MARCHF11: variants seen among roughly 807,000 people sequenced by gnomAD.
MARCHF11 encodes membrane associated ring-CH-type finger 11, also known as E3 ubiquitin-protein ligase MARCHF11.
A neutral mutation model predicts 37.3 loss-of-function variants in MARCHF11; 29 were observed. That is an observed-to-expected ratio of 0.78 (90% confidence interval 0.58 to 1.06). MARCHF11 has a LOEUF of 1.06. Among genes scored for constraint, MARCHF11 ranks in the 50% least tolerant of loss-of-function variants. The probability of loss-of-function intolerance (pLI) is 0.00; values close to 1 mark genes in which losing one functional copy is unlikely to be tolerated. For missense variants in MARCHF11, 482 were observed against 533.4 expected, an observed-to-expected ratio of 0.90 and a Z score of 0.95; for synonymous variants, 233 against 228.0, an observed-to-expected ratio of 1.02 and a Z score of -0.20.
At chr5:16,124,404 C>A (rs527405667) in intron 2 of MARCHF11, among the ~76,000 whole-genome samples, 2 of 152,176 alleles carry the variant, frequency 1.3e-5, no homozygotes, top group Non-Finnish European at 2.9e-5. Flanking sequence ...TCACACACAG[C>A]TCCAGACAAC....
intron 2 of MARCHF11, among the ~76,000 whole-genome samples, chr5:16,104,024 T>G (rs141076059): frequency 4.7e-4 from 71 of 152,310 alleles, no homozygotes; most frequent in African/African-American, 1.6e-3. Flanking sequence ...AGGAAAATAG[T>G]TGTTTGAAAC....
At chr5:16,127,232 T>C (rs886735169) in intron 2 of MARCHF11, among the ~76,000 whole-genome samples, 4 of 152,206 alleles carry the variant, frequency 2.6e-5, no homozygotes, top group Non-Finnish European at 5.9e-5. Context: ...GGACTGCCAA[T>C]GCTCATCAAA....
chr5:16,166,956 G>GTACAACGATGTTCATTTACTTATGAACA (rs36218722), intron 2 of MARCHF11, among the ~76,000 whole-genome samples: 1,808 of 142,940 alleles, frequency 0.013, 42 homozygotes, highest in African/African-American at 0.032. Flanking sequence ...TGTGAGGAAC[G>GTACAACGATGTTCATTTACTTATGAACA]TACAACGATG....
chr5:16,098,774 A>G (rs900581005), intron 2 of MARCHF11, among the ~76,000 whole-genome samples: 5 of 152,066 alleles, frequency 3.3e-5, no homozygotes, highest in Admixed American at 6.5e-5. Context: ...TCTCAAAAAA[A>G]AAAAAGAAAA....
intron 2 of MARCHF11, among the ~76,000 whole-genome samples, chr5:16,104,264 C>A (rs1179805284): frequency 1.3e-5 from 2 of 152,120 alleles, no homozygotes; most frequent in African/African-American, 4.8e-5. Flanking sequence ...TTCCTTCCCA[C>A]CTTTTCCCCT....
intron 2 of MARCHF11, among the ~76,000 whole-genome samples, chr5:16,134,996 TCTCA>T (rs1352413634): frequency 2.1e-4 from 25 of 121,256 alleles, no homozygotes; most frequent in East Asian, 1.2e-3. Flanking sequence ...TCTCTCTCTC[TCTCA>T]CACACACACA....
At chr5:16,125,826 A>C (rs1439826934) in intron 2 of MARCHF11, among the ~76,000 whole-genome samples, 1 of 152,180 alleles carries the variant, frequency 6.6e-6, no homozygotes, top group Non-Finnish European at 1.5e-5. Context: ...CAAATCCCTT[A>C]TGGGTTAACT....
intron 2 of MARCHF11, among the ~76,000 whole-genome samples, chr5:16,156,694 G>A (rs905332217): frequency 1.6e-4 from 24 of 151,786 alleles, no homozygotes; most frequent in Non-Finnish European, 2.7e-4. Flanking sequence ...TGAAAAATGT[G>A]TCATTAAGTG....
chr5:16,088,589 A>C (rs1736738294), intron 3 of MARCHF11, among the ~76,000 whole-genome samples: 1 of 152,186 alleles, frequency 6.6e-6, no homozygotes, highest in South Asian at 2.1e-4. Context: ...CGGGGCTGCA[A>C]TCCAATTGGC....
At chr5:16,151,647 G>T (rs1403654285) in intron 2 of MARCHF11, among the ~76,000 whole-genome samples, 2 of 99,708 alleles carry the variant, frequency 2.0e-5, no homozygotes. Flanking sequence ...TGCGTGAGTT[G>T]AATGTGTGTG....
intron 2 of MARCHF11, among the ~76,000 whole-genome samples, chr5:16,116,447 G>A (rs1737227742): frequency 6.6e-6 from 1 of 152,052 alleles, no homozygotes; most frequent in African/African-American, 2.4e-5. Context: ...ATTTCAAATA[G>A]CTTAGTTCAG....
At chr5:16,085,989 A>G (rs1484607827) in intron 3 of MARCHF11, among the ~76,000 whole-genome samples, 1 of 147,562 alleles carries the variant, frequency 6.8e-6, no homozygotes, top group Non-Finnish European at 1.5e-5. Context: ...CTTATTACTC[A>G]ACCCAGACTT....
At chr5:16,129,891 A>G in intron 2 of MARCHF11, among the ~76,000 whole-genome samples, 1 of 152,182 alleles carries the variant, frequency 6.6e-6, no homozygotes. Flanking sequence ...AGGAAAGCCT[A>G]TCAATGAGAT....
intron 3 of MARCHF11, among the ~76,000 whole-genome samples, chr5:16,081,073 C>T (rs1736600704): frequency 6.6e-6 from 1 of 152,266 alleles, no homozygotes; most frequent in South Asian, 2.1e-4. Context: ...TCTCTCGGGG[C>T]CCCATCCTAA....
At chr5:16,158,120 A>T (rs1738007497) in intron 2 of MARCHF11, among the ~76,000 whole-genome samples, 1 of 151,974 alleles carries the variant, frequency 6.6e-6, no homozygotes, top group East Asian at 1.9e-4. Flanking sequence ...TTAAAACCAG[A>T]ACGACACATC....
chr5:16,145,413 C>G (rs1227791860), intron 2 of MARCHF11, among the ~76,000 whole-genome samples: 1 of 152,178 alleles, frequency 6.6e-6, no homozygotes, highest in Non-Finnish European at 1.5e-5. Flanking sequence ...GAGGACACAG[C>G]AACCAAGTCA....
intron 2 of MARCHF11, among the ~76,000 whole-genome samples, chr5:16,134,998 TCACACACACACA>T (rs1553996992): frequency 7.0e-6 from 1 of 143,704 alleles, no homozygotes; most frequent in African/African-American, 2.6e-5. Flanking sequence ...TCTCTCTCTC[TCACACACACACA>T]CACACACACA....
chr5:16,179,505 G>C lies in MARCHF11; in HGVS notation c.71C>G (p.Pro24Arg). ...CGGCGGCGGCGGCGGGGGAGGTTGC[G>C]GGGGAGGCTCGGCGTCCCCGCTCTC... ...GAESGDAEPP[P>R]QPPPPPPPTP... The change falls in exon 1 of 4, where the codon CCG becomes CGG. Residue 24 changes from proline (P) to arginine (R), a missense_variant. Transcript: ENST00000332432. 2.6e-6 allele frequency: 3 copies of C among 1,168,346 alleles called. No homozygotes were observed. The highest frequency in any genetic ancestry group is 3.2e-6 in the Non-Finnish European group (3 of 947,672). 72.4% of individuals were successfully genotyped at this position (1,168,346 alleles called of 1,614,324 possible).
At chr5:16,110,019 G>T (rs1362790926) in intron 2 of MARCHF11, among the ~76,000 whole-genome samples, 1 of 152,138 alleles carries the variant, frequency 6.6e-6, no homozygotes, top group Non-Finnish European at 1.5e-5. Flanking sequence ...ATTGTTAAGA[G>T]GGTCAAGTTC....
Sources: allele counts gnomAD v4.1 joint callset (sites outside exome capture counted in the v4.1 genomes callset), GRCh38; gene constraint gnomAD v4.1.1; transcripts MANE v1.5; gene names NCBI Gene and HGNC (gene_info 2026-07-23, HGNC 2026-07-21).